The following PTPN3 variants were observed in gnomAD, a reference collection of about 807,000 sequenced individuals.
The protein encoded by PTPN3 is tyrosine-protein phosphatase non-receptor type 3.
Under a neutral mutation model 132.7 loss-of-function variants are expected in PTPN3, and 96 were observed. The observed-to-expected ratio is 0.72, with a 90% confidence interval of 0.61 to 0.86. The LOEUF is 0.86. PTPN3 is among the 40% of genes least tolerant of loss of function. The pLI is 0.00. For missense variants in PTPN3, 1,125 were observed against 1,159.6 expected (o/e 0.97, Z 0.43); for synonymous variants, 398 against 429.0 (o/e 0.93, Z 0.89).
intron 7 of PTPN3, 33 bp from the exon 8 acceptor site, chr9:109,438,267 T>C (rs1210307204): frequency 6.3e-7 from 1 of 1,593,782 alleles, no homozygotes; most frequent in East Asian, 2.2e-5. Context: ...AAATCATAAT[T>C]AGTTTTGCCT....
the PTPN3 span, among the ~76,000 whole-genome samples, chr9:109,520,494 G>A: frequency 1.3e-5 from 2 of 152,256 alleles, no homozygotes; most frequent in African/African-American, 4.8e-5. Context: ...GCATGACAGA[G>A]TAAACTGCAG....
intron 10 of PTPN3, among the ~76,000 whole-genome samples, chr9:109,432,012 T>C (rs767471718): frequency 2.0e-5 from 3 of 149,312 alleles, no homozygotes; most frequent in Non-Finnish European, 4.4e-5. Flanking sequence ...TTTTGTTATA[T>C]ATAATTATAT....
intron 10 of PTPN3, among the ~76,000 whole-genome samples, chr9:109,432,544 T>G (rs889391429): frequency 1.2e-4 from 18 of 152,012 alleles, no homozygotes; most frequent in Non-Finnish European, 2.1e-4. Context: ...AACTCAAACT[T>G]CTCTCCAAAA....
chr9:109,447,240 G>T lies in PTPN3; in HGVS notation c.413+1571C>A, dbSNP rs559952086. 3.3e-5 allele frequency among the ~76,000 whole-genome samples: 5 copies of T among 152,268 alleles called. No homozygotes were observed. The East Asian group carries it at 9.7e-4, about 29-fold the overall frequency. On this transcript the variant is annotated intron_variant, in intron 6 of 25. Transcript: ENST00000374541. ...AGACTAGAAGTTCCTGAGGAGGCAAGGCCCTGGCCTTATTTGACCAGCGTA... is the reference window on the plus strand; with the variant it reads ...AGACTAGAAGTTCCTGAGGAGGCAATGCCCTGGCCTTATTTGACCAGCGTA...
intron 16 of PTPN3, among the ~76,000 whole-genome samples, chr9:109,408,796 A>AAATATATATATATATATATAT (rs1377996219): frequency 4.6e-5 from 5 of 108,350 alleles, no homozygotes; most frequent in African/African-American, 1.9e-4. Context: ...AAAAAAAAAA[A>AAATATATATATATATATATAT]ATATATATAT....
chr9:109,483,084 A>G (rs1167389513), intron 1 of PTPN3, among the ~76,000 whole-genome samples: 1 of 152,166 alleles, frequency 6.6e-6, no homozygotes, highest in Non-Finnish European at 1.5e-5. Flanking sequence ...GCAGAAGAAA[A>G]GTAGGTTTGC....
intron 14 of PTPN3, among the ~76,000 whole-genome samples, chr9:109,412,027 C>T (rs1157906958): frequency 1.3e-5 from 2 of 152,116 alleles, no homozygotes; most frequent in African/African-American, 4.8e-5. Flanking sequence ...TACAAAATTC[C>T]CCCCAAATAC....
At chr9:109,467,389 G>C (rs1846153851) in intron 1 of PTPN3, among the ~76,000 whole-genome samples, 1 of 152,084 alleles carries the variant, frequency 6.6e-6, no homozygotes, top group Non-Finnish European at 1.5e-5. Context: ...TGGTGATTCA[G>C]CATCCTCAGG....
chr9:109,404,954 TC>T (rs1841437867), intron 18 of PTPN3, among the ~76,000 whole-genome samples: 1 of 152,210 alleles, frequency 6.6e-6, no homozygotes, highest in South Asian at 2.1e-4. Context: ...CTTCTACCCA[TC>T]CCGACTCCCC....
chr9:109,388,028 C>A (rs769622670), intron 22 of PTPN3, among the ~76,000 whole-genome samples: 7 of 152,248 alleles, frequency 4.6e-5, no homozygotes, highest in Admixed American at 2.0e-4. Context: ...AGTAGCACAG[C>A]GAGGCTGGGG....
intron 1 of PTPN3, among the ~76,000 whole-genome samples, chr9:109,484,139 G>A (rs949311924): frequency 2.0e-5 from 3 of 152,112 alleles, no homozygotes; most frequent in Non-Finnish European, 4.4e-5. Context: ...AGAATTGCCT[G>A]AGCCCCACCC....
At chr9:109,434,299 C>T (rs937693922) in intron 9 of PTPN3, among the ~76,000 whole-genome samples, 9 of 148,866 alleles carry the variant, frequency 6.0e-5, no homozygotes, top group African/African-American at 2.0e-4. Flanking sequence ...TGTGCCACCA[C>T]GCCCAGCTAA....
At chr9:109,521,980 C>CAAGGCTTAGA in the PTPN3 span, among the ~76,000 whole-genome samples, 1 of 142,934 alleles carries the variant, frequency 7.0e-6, no homozygotes, top group South Asian at 2.3e-4. Flanking sequence ...GAGAGGAAAC[C>CAAGGCTTAGA]GAGGCTTAGA....
chr9:109,449,002 C>A, intron 5 of PTPN3, 147 bp from the exon 6 acceptor site: 1 of 1,441,146 alleles, frequency 6.9e-7, no homozygotes, highest in African/African-American at 1.4e-5. Context: ...TCAGGTGCTA[C>A]CTTACGCTCT....
chr9:109,414,793 T>C (rs1486745607), intron 14 of PTPN3, among the ~76,000 whole-genome samples: 2 of 152,210 alleles, frequency 1.3e-5, no homozygotes, highest in African/African-American at 4.8e-5. Context: ...GAGGAGAATT[T>C]CTCATTGACA....
intron 23 of PTPN3, among the ~76,000 whole-genome samples, chr9:109,382,668 T>TTCTGCCCAGTGATCTCC (rs377688429): frequency 6.6e-6 from 1 of 151,934 alleles, no homozygotes; most frequent in Non-Finnish European, 1.5e-5. Flanking sequence ...CCTTGATCAC[T>TTCTGCCCAGTGATCTCC]TCTGCCCAGT....
chr9:109,463,282 A>AT lies in PTPN3; in HGVS notation c.138+14_138+15insA, dbSNP rs1432096941. 1.0e-5 allele frequency: 16 copies of AT among 1,538,472 alleles called. No individual in the cohort carries two copies. The Admixed American group carries it at 1.1e-4, about 11-fold the overall frequency. The stretch of plus-strand genomic sequence containing the variant: ...TTAATTCAGGAAAAGTAAAAAAAAA[A>AT]AGTAGAGAACTTACAGTAACTTTAA... On this transcript the variant is annotated intron_variant, in intron 2 of 25. Transcript: ENST00000374541.
rs376126002 is a variant in PTPN3 at position 109,402,638 on chromosome 9, G to C, written c.1953+1810C>G. Among the ~76,000 whole-genome samples, 5 of 152,148 alleles carry C rather than the reference G, an allele frequency of 3.3e-5. No individual in the cohort carries two copies. The East Asian group carries it at 5.8e-4, about 18-fold the overall frequency. ...GCCTCCTGTAGGCCACTGAAAAAAA[G>C]GGCTATTTCCCTTTGTAGAATACTC... On this transcript the variant is annotated intron_variant, in intron 19 of 25. Transcript: ENST00000374541.
chr9:109,414,733 T>C (rs985649110), intron 14 of PTPN3, among the ~76,000 whole-genome samples: 3 of 152,220 alleles, frequency 2.0e-5, no homozygotes, highest in Non-Finnish European at 4.4e-5. Flanking sequence ...GACACCTCAC[T>C]GGCAAGAAAG....
Sources: gnomAD v4.1 joint callset for allele counts (sites outside exome capture counted in the v4.1 genomes callset) on GRCh38, gnomAD v4.1.1 for gene constraint, MANE v1.5 for transcripts, NCBI Gene and HGNC (gene_info 2026-07-23, HGNC 2026-07-21) for gene names.